Variants in RORA observed in about 807,000 individuals in gnomAD.
The protein encoded by RORA is RAR related orphan receptor A.
In RORA, 7 loss-of-function variants were observed where a neutral mutation model predicts 69.5. The ratio of observed to expected loss-of-function variants is 0.10; its 90% CI spans 0.06 to 0.19. The LOEUF (loss-of-function observed/expected upper bound fraction) is 0.19, where lower values mean the gene tolerates loss of function less well. Ranked by LOEUF, RORA falls within the 10% of genes least tolerant of loss-of-function variation. RORA has a pLI of 1.00. For missense variants in RORA, 457 were observed against 663.0 expected (o/e 0.69, Z 3.41); for synonymous variants, 261 against 240.8 (o/e 1.08, Z -0.78).
At chr15:60,767,722 T>TC (rs2072011849) in intron 1 of RORA, among the ~76,000 whole-genome samples, 1 of 152,218 alleles carries the variant, frequency 6.6e-6, no homozygotes, top group African/African-American at 2.4e-5. Flanking sequence ...TTCCCTGTCC[T>TC]CACCTTCTCT....
chr15:60,514,147 C>T (rs1166772151), intron 4 of RORA, among the ~76,000 whole-genome samples: 1 of 152,200 alleles, frequency 6.6e-6, no homozygotes, highest in Non-Finnish European at 1.5e-5. Flanking sequence ...AAATATTTGG[C>T]TTTGGCATGT....
At chr15:60,659,649 T>C (rs569215651) in intron 2 of RORA, among the ~76,000 whole-genome samples, 1 of 152,328 alleles carries the variant, frequency 6.6e-6, no homozygotes, top group African/African-American at 2.4e-5. Flanking sequence ...ATCCTTGTCA[T>C]GTCCTCCTCA....
At chr15:60,780,074 G>A (rs1464034781) in intron 1 of RORA, among the ~76,000 whole-genome samples, 2 of 152,200 alleles carry the variant, frequency 1.3e-5, no homozygotes, top group African/African-American at 4.8e-5. Flanking sequence ...TAGGTGGGGA[G>A]AGGGTGGGGA....
chr15:60,946,407 G>T lies in RORA; in HGVS notation c.167-267721C>A, dbSNP rs567622217. Among the ~76,000 whole-genome samples, 344 of 152,316 alleles carry T rather than the reference G, an allele frequency of 2.3e-3. 1 individual carries two copies. Among genetic ancestry groups the T allele is most frequent in the African/African-American group, 8.0e-3 (333 of 41,574 alleles). ...CTCAGCCTGCCGAGTGCCTGCGATTGCAGGCGCGCGCCGCCACGCCTGACT... is the reference window on the plus strand; with the variant it reads ...CTCAGCCTGCCGAGTGCCTGCGATTTCAGGCGCGCGCCGCCACGCCTGACT... On this transcript the variant is annotated intron_variant, in intron 1 of 10. Transcript: ENST00000335670.
intron 1 of RORA, among the ~76,000 whole-genome samples, chr15:60,903,435 T>C (rs371685244): frequency 1.3e-5 from 2 of 152,220 alleles, no homozygotes; most frequent in Non-Finnish European, 2.9e-5. Context: ...ATATAAAATG[T>C]CTTCCGGAAC....
At chr15:60,788,326 G>A (rs1006498350) in intron 1 of RORA, among the ~76,000 whole-genome samples, 7 of 152,186 alleles carry the variant, frequency 4.6e-5, no homozygotes, top group Admixed American at 4.6e-4. Flanking sequence ...GATTGCAATA[G>A]AATGTGCTAA....
At chr15:61,100,473 C>T (rs1376383334) in intron 1 of RORA, among the ~76,000 whole-genome samples, 1 of 152,150 alleles carries the variant, frequency 6.6e-6, no homozygotes, top group Non-Finnish European at 1.5e-5. Flanking sequence ...TTTTGCAAAG[C>T]TGGAAGAACA....
rs76517141 is a variant in RORA, at chr15:61,001,356, T to A, written c.166+227697A>T. ...AACTATCAACCACAAAATAATCTGC[T>A]TCCTGGCTGAGTAAGGTAAGGGCTC... On this transcript the variant is annotated intron_variant, in intron 1 of 10. Coordinates refer to ENST00000335670, the MANE Select transcript of RORA (RefSeq NM_134261.3). 1.8e-3 allele frequency among the ~76,000 whole-genome samples: 270 copies of A among 152,366 alleles called. 8 individuals are homozygous for A. In the East Asian group the frequency reaches 0.05, roughly 28 times the overall value.
chr15:60,763,065 A>ATTTTTT (rs374433414), intron 1 of RORA, among the ~76,000 whole-genome samples: 3,048 of 48,336 alleles, frequency 0.063, 566 homozygotes, highest in African/African-American at 0.12. Context: ...ATATGCACAG[A>ATTTTTT]TTTTTTTTTT....
In RORA at chr15:60,490,858, T is replaced by C. The variant is rs1033068305; in HGVS notation, c.*6597A>G. 6.6e-6 allele frequency: 1 copy of C among 152,150 alleles called. No individual in the cohort carries two copies. Among genetic ancestry groups the C allele is most frequent in the Non-Finnish European group, 1.5e-5 (1 of 68,002 alleles). 9.4% of individuals were successfully genotyped at this position (152,150 alleles called of 1,614,324 possible). ...CTAACACTGCAGTTCTTTATACATA[T>C]TAAAAGCCTTGTCTGGGGTTTGTCA... On this transcript the variant is annotated 3_prime_UTR_variant, in exon 11 of 11. Coordinates refer to ENST00000335670, the MANE Select transcript of RORA (RefSeq NM_134261.3). This position sits in a 1 kb window ranked among gnomAD's most constrained non-coding sequence, Gnocchi z 4.1.
At chr15:60,516,149 A>ATATATATATATT (rs1261606372) in intron 3 of RORA, among the ~76,000 whole-genome samples, 3 of 34,804 alleles carry the variant, frequency 8.6e-5, no homozygotes, top group African/African-American at 2.7e-4. Context: ...ATATATATTT[A>ATATATATATATT]TATATATATA....
At chr15:60,984,815 T>TTTTG (rs1216629522) in intron 1 of RORA, among the ~76,000 whole-genome samples, 2 of 152,008 alleles carry the variant, frequency 1.3e-5, no homozygotes, top group Non-Finnish European at 2.9e-5. Flanking sequence ...TTTTTTTTTT[T>TTTTG]TCCTGTTTCA....
At chr15:60,735,577 A>G (rs1437666804) in intron 1 of RORA, among the ~76,000 whole-genome samples, 1 of 143,498 alleles carries the variant, frequency 7.0e-6, no homozygotes, top group African/African-American at 2.5e-5. Context: ...GGAAAAAAGG[A>G]AAAAAAAAAA....
intron 2 of RORA, among the ~76,000 whole-genome samples, chr15:60,572,610 T>C (rs1452003479): frequency 2.6e-5 from 4 of 152,214 alleles, no homozygotes; most frequent in African/African-American, 7.2e-5. Flanking sequence ...GAAGCGCTTA[T>C]TGATGGGCCA....
At chr15:61,210,078 G>A (rs1369610315) in intron 1 of RORA, among the ~76,000 whole-genome samples, 1 of 152,204 alleles carries the variant, frequency 6.6e-6, no homozygotes, top group African/African-American at 2.4e-5. Flanking sequence ...GGGCCAGTTG[G>A]ACAGATGCTC....
intron 1 of RORA, among the ~76,000 whole-genome samples, chr15:60,745,569 G>T (rs753208461): frequency 3.3e-4 from 50 of 152,118 alleles, no homozygotes; most frequent in Admixed American, 1.2e-3. Flanking sequence ...TGGCCAGAGA[G>T]GCCAGGGCCC....
intron 1 of RORA, among the ~76,000 whole-genome samples, chr15:60,907,616 A>C (rs1891582401): frequency 6.6e-6 from 1 of 152,234 alleles, no homozygotes; most frequent in Non-Finnish European, 1.5e-5. Context: ...CTTCACCTGT[A>C]ATGTGCCTGT....
chr15:61,070,162 G>A (rs2078320570), intron 1 of RORA, among the ~76,000 whole-genome samples: 1 of 152,070 alleles, frequency 6.6e-6, no homozygotes, highest in African/African-American at 2.4e-5. Flanking sequence ...TAAAGTCCTC[G>A]ATTTGCAAGC....
At chr15:61,206,660 A>G (rs1309815973) in intron 1 of RORA, among the ~76,000 whole-genome samples, 1 of 152,150 alleles carries the variant, frequency 6.6e-6, no homozygotes, top group Non-Finnish European at 1.5e-5. Flanking sequence ...GAAAAATTTC[A>G]CCACTTTAAA....
Sources: gnomAD v4.1 joint callset for allele counts (sites outside exome capture counted in the v4.1 genomes callset) on GRCh38, gnomAD v4.1.1 for gene constraint, Gnocchi (gnomAD v3.1) non-coding constraint, MANE v1.5 for transcripts, NCBI Gene and HGNC (gene_info 2026-07-23, HGNC 2026-07-21) for gene names.